BRD3: variants seen among roughly 807,000 people sequenced by gnomAD.
BRD3 encodes bromodomain containing 3.
In BRD3, 17 loss-of-function variants were observed where a neutral mutation model predicts 66.8. The observed-to-expected ratio is 0.25, with a 90% CI of 0.17 to 0.38. The LOEUF (loss-of-function observed/expected upper bound fraction) is 0.38, where lower values mean the gene tolerates loss of function less well. Among genes scored for constraint, BRD3 ranks in the 10% least tolerant of loss-of-function variants. BRD3 has a pLI of 1.00. For missense variants in BRD3, 713 were observed against 956.1 expected (o/e 0.75, Z 3.35); for synonymous variants, 421 against 393.2 (o/e 1.07, Z -0.84).
In BRD3 at chr9:134,034,759, T is replaced by C. The variant is rs774660543; in HGVS notation, c.2007A>G (p.Glu669=). ...ELAQEKKKEL[E]KRLQDVSGQL... Reference sequence around the variant, plus strand: ...GCCCGCTGACATCCTGCAGACGCTTTTCCAGCTCCTTCTTCTTTTCCTGAG... The same window carrying C: ...GCCCGCTGACATCCTGCAGACGCTTCTCCAGCTCCTTCTTCTTTTCCTGAG... The change falls in exon 11 of 12, where the codon GAA becomes GAG. Residue 669 remains glutamate (E), a synonymous_variant. Transcript: ENST00000303407. The C allele has an allele frequency of 1.2e-6, 2 of 1,610,998 alleles. No homozygotes were observed.
chr9:134,065,410 C>G (rs560206405), intron 1 of BRD3, among the ~76,000 whole-genome samples: 1 of 147,464 alleles, frequency 6.8e-6, no homozygotes, highest in Non-Finnish European at 1.5e-5. Context: ...GGCAACAATG[C>G]GAGACTCCAT....
At chr9:134,063,109 G>C (rs985203750) in intron 1 of BRD3, among the ~76,000 whole-genome samples, 2 of 152,224 alleles carry the variant, frequency 1.3e-5, no homozygotes, top group African/African-American at 4.8e-5. Flanking sequence ...CCAGGACAAG[G>C]GGCCAGCAGG....
At chr9:134,046,502 C>T (rs963306291) in intron 6 of BRD3, among the ~76,000 whole-genome samples, 1 of 152,192 alleles carries the variant, frequency 6.6e-6, no homozygotes, top group Non-Finnish European at 1.5e-5. Flanking sequence ...AGGGCCCGTA[C>T]CCTATGCACT....
chr9:134,034,182 C>G (rs113335813), intron 11 of BRD3, among the ~76,000 whole-genome samples: 11 of 152,236 alleles, frequency 7.2e-5, no homozygotes, highest in African/African-American at 2.4e-4. Flanking sequence ...CTGTCCCCCC[C>G]ATATGTGTGT....
intron 6 of BRD3, among the ~76,000 whole-genome samples, chr9:134,047,013 G>A (rs1480368214): frequency 6.6e-6 from 1 of 152,210 alleles, no homozygotes; most frequent in East Asian, 1.9e-4. Context: ...CTGCAGCCGA[G>A]GCTCCTGGCA....
chr9:134,045,483 AC>A lies in BRD3; in HGVS notation c.1087-63del. 3.7e-6 allele frequency: 6 copies of A among 1,601,670 alleles called. No individual in the cohort carries two copies. Among genetic ancestry groups the A allele is most frequent in the Non-Finnish European group, 5.1e-6 (6 of 1,171,748 alleles). Reference sequence around the variant, plus strand: ...CCGTGGCATCAGGACTCTCTGCCACACCCCACGAGATGAACTCTGGAGCCTC... The same window carrying A: ...CCGTGGCATCAGGACTCTCTGCCACACCCACGAGATGAACTCTGGAGCCTC... On this transcript the variant is annotated intron_variant, in intron 6 of 11. Transcript: ENST00000303407. This position sits in a 1 kb window ranked among gnomAD's most constrained non-coding sequence, Gnocchi z 4.8.
chr9:134,062,024 C>A (rs1300436690), intron 1 of BRD3, among the ~76,000 whole-genome samples: 1 of 152,232 alleles, frequency 6.6e-6, no homozygotes, highest in African/African-American at 2.4e-5. Context: ...GAAACTGGAT[C>A]TGTCAGGGCA....
intron 1 of BRD3, among the ~76,000 whole-genome samples, chr9:134,059,064 T>C (rs1336892178): frequency 1.3e-5 from 2 of 152,380 alleles, no homozygotes; most frequent in East Asian, 3.9e-4. Flanking sequence ...GGCGTTGTGG[T>C]TACAATCTTT....
intron 11 of BRD3, 23 bp downstream of exon 11, chr9:134,034,678 G>A (rs1467920915): frequency 1.2e-6 from 2 of 1,600,996 alleles, no homozygotes; most frequent in South Asian, 2.2e-5. Flanking sequence ...AAAGAGGGGT[G>A]GCACAGCGGC....
In BRD3 at chr9:134,045,172, G is replaced by T; in HGVS notation, c.1215+121C>A. Reference sequence around the variant, plus strand: ...GGCACTCGGGAAAAAGGTGTTGAGGGAATGAGGCTCTCTAAGGCCTTCCTC... The same window carrying T: ...GGCACTCGGGAAAAAGGTGTTGAGGTAATGAGGCTCTCTAAGGCCTTCCTC... On this transcript the variant is annotated intron_variant, in intron 7 of 11. Coordinates refer to ENST00000303407, the MANE Select transcript of BRD3 (RefSeq NM_007371.4). The surrounding 1 kb of genome is among the most constrained non-coding windows in gnomAD (Gnocchi z 4.8). The T allele has an allele frequency of 1.5e-6, 2 of 1,367,968 alleles. No individual in the cohort carries two copies. Among genetic ancestry groups the T allele is most frequent in the South Asian group, 1.4e-5 (1 of 71,664 alleles). The allele number at this position is 1,367,968 out of a possible 1,614,324, so 84.7% of individuals were successfully genotyped here. A position where few individuals can be genotyped will look rare whatever the true frequency, so the allele number is the denominator to read the frequency against.
chr9:134,047,268 A>G (rs973263515), intron 6 of BRD3, among the ~76,000 whole-genome samples: 1 of 152,260 alleles, frequency 6.6e-6, no homozygotes, highest in Non-Finnish European at 1.5e-5. Context: ...CAGGGCTGCC[A>G]GCAGCTCTTC....
intron 4 of BRD3, among the ~76,000 whole-genome samples, chr9:134,050,803 G>A (rs891388703): frequency 6.6e-6 from 1 of 152,094 alleles, no homozygotes; most frequent in Admixed American, 6.6e-5. Flanking sequence ...GCATGAAGTG[G>A]AGGCCCCCCA....
Position 134,048,072 on chromosome 9 carries a change from C to T in BRD3, c.1086+11G>A, listed in dbSNP as rs1215643933. On this transcript the variant is annotated intron_variant, in intron 6 of 11. Transcript: ENST00000303407. Reference sequence around the variant, plus strand: ...CATGGGCAGAGCAGGGCCTGCCGCGCGGCCACGTACTTTCACGGTGCTGAG... The same window carrying T: ...CATGGGCAGAGCAGGGCCTGCCGCGTGGCCACGTACTTTCACGGTGCTGAG... The T allele has an allele frequency of 7.7e-6, 12 of 1,548,504 alleles. No homozygotes were observed. Among genetic ancestry groups the T allele is most frequent in the African/African-American group, 1.4e-5 (1 of 73,442 alleles).
rs1217458823 is a variant in BRD3 at position 134,034,524 on chromosome 9, AC to A, written c.2065+176del. 7.0e-6 allele frequency: 6 copies of A among 859,722 alleles called. No individual in the cohort carries two copies. The Admixed American group carries it at 8.7e-5, about 12-fold the overall frequency. The allele number at this position is 859,722 out of a possible 1,614,324, so 53.3% of individuals were successfully genotyped here. A position where few individuals can be genotyped will look rare whatever the true frequency, so the allele number is the denominator to read the frequency against. ...CACCTCCCTGCAGGGTTGGGGTATG[AC>A]CCCCAGTGACAGACCAGGAAATGGA... is the stretch of plus-strand genomic sequence containing the variant. On this transcript the variant is annotated intron_variant, in intron 11 of 11. Transcript: ENST00000303407.
intron 1 of BRD3, among the ~76,000 whole-genome samples, chr9:134,054,775 G>C (rs995481272): frequency 6.6e-6 from 1 of 152,044 alleles, no homozygotes; most frequent in African/African-American, 2.4e-5. Flanking sequence ...GCCTCGGTGG[G>C]CAGTTACACC....
intron 1 of BRD3, chr9:134,055,722 AG>A (rs1457956866): frequency 2.0e-5 from 3 of 152,628 alleles, no homozygotes; most frequent in African/African-American, 4.8e-5. Context: ...GGACATTCCC[AG>A]TATCCACTGC....
chr9:134,030,954 T>C lies in BRD3; in HGVS notation c.*2636A>G. 4.3e-6 allele frequency: 1 copy of C among 231,020 alleles called. No individual in the cohort carries two copies. The highest frequency in any genetic ancestry group is 8.6e-6 in the Non-Finnish European group (1 of 116,638). The allele number at this position is 231,020 out of a possible 1,614,324, so 14.3% of individuals were successfully genotyped here. On this transcript the variant is annotated 3_prime_UTR_variant, in exon 12 of 12. Transcript: ENST00000303407. ...GGTCTCAGCAGTGGGACAATCTAAT[T>C]GAATCACCGCAGCCTTCTAATACAG... is the stretch of plus-strand genomic sequence containing the variant.
At chr9:134,064,096 A>G (rs1422558341) in intron 1 of BRD3, among the ~76,000 whole-genome samples, 1 of 152,358 alleles carries the variant, frequency 6.6e-6, no homozygotes, top group African/African-American at 2.4e-5. Context: ...GACAGCCAAC[A>G]GCACGGACAC....
At position 134,034,867 on chromosome 9, in the gene BRD3, G is replaced by C. The variant is rs201409434; in HGVS notation, c.1937-38C>G. ...AAATGGGCACTCAGACTGCAGAGCAGACCGATGGGGCAGGAGCCAGGGCTG... is the reference window on the plus strand; with the variant it reads ...AAATGGGCACTCAGACTGCAGAGCACACCGATGGGGCAGGAGCCAGGGCTG... On this transcript the variant is annotated intron_variant, in intron 10 of 11. Transcript: ENST00000303407. The C allele has an allele frequency of 5.1e-4, 817 of 1,607,588 alleles. 1 individual carries two copies. The highest frequency in any genetic ancestry group is 6.6e-4 in the Non-Finnish European group (776 of 1,179,818).
Sources: allele counts gnomAD v4.1 joint callset (sites outside exome capture counted in the v4.1 genomes callset), GRCh38; gene constraint gnomAD v4.1.1; non-coding constraint Gnocchi (gnomAD v3.1); transcripts MANE v1.5; gene names NCBI Gene and HGNC (gene_info 2026-07-23, HGNC 2026-07-21).